The following ZNF276 variants were observed in gnomAD, a reference collection of about 807,000 sequenced individuals.
The protein encoded by ZNF276 is centromere protein Z.
ZNF276 carries 59 observed loss-of-function variants against 63.9 expected under a neutral mutation model. The observed-to-expected ratio is 0.92, with a 90% CI of 0.75 to 1.15. The LOEUF is 1.15. ZNF276 is among the 50% of genes most tolerant of loss of function. ZNF276 has a pLI of 0.00. For missense variants in ZNF276, 1,084 were observed against 843.8 expected (o/e 1.28, Z -3.53); for synonymous variants, 496 against 348.4 (o/e 1.42, Z -4.72).
At position 89,740,553 on chromosome 16, in the gene ZNF276, T is replaced by C. The variant is rs17227347; in HGVS notation, c.*2307T>C. On this transcript the variant is annotated 3_prime_UTR_variant, in exon 11 of 11. Transcript: ENST00000443381. ...CGGGAGGCTGATGCAGGAGAATTGCTTGAACCCAGGAGGCTGAGGTTGCAG... is the reference window on the plus strand; with the variant it reads ...CGGGAGGCTGATGCAGGAGAATTGCCTGAACCCAGGAGGCTGAGGTTGCAG... 15,389 of 536,566 alleles carry C rather than the reference T, an allele frequency of 0.029. 693 individuals are homozygous for C. Among genetic ancestry groups the C allele is most frequent in the African/African-American group, 0.13 (6,911 of 52,320 alleles). The allele number at this position is 536,566 out of a possible 1,614,324, so 33.2% of individuals were successfully genotyped here.
rs2061351126 is a variant in ZNF276, at chr16:89,723,022, G to C, written c.510-115G>C. ...ACTGGGAGGAGCTGGGGTGAGGGAA[G>C]AGAAAGTTGCCTATGGGGACCGCTG... On this transcript the variant is annotated intron_variant, in intron 2 of 10. Transcript: ENST00000443381. 5 of 1,601,632 alleles carry C rather than the reference G, an allele frequency of 3.1e-6. No individual in the cohort carries two copies. The East Asian group carries it at 9.0e-5, about 29-fold the overall frequency.
Position 89,740,485 on chromosome 16 carries a change from A to G in ZNF276, c.*2239A>G. 1 of 463,296 alleles carries G rather than the reference A, an allele frequency of 2.2e-6. No individual in the cohort carries two copies. Among genetic ancestry groups the G allele is most frequent in the Non-Finnish European group, 3.9e-6 (1 of 255,784 alleles). The allele number at this position is 463,296 out of a possible 1,614,324, so 28.7% of individuals were successfully genotyped here. On this transcript the variant is annotated 3_prime_UTR_variant, in exon 11 of 11. Coordinates refer to ENST00000443381, the MANE Select transcript of ZNF276 (RefSeq NM_001113525.2). ...CCCCGTCTCTACTAAAAATACAAAA[A>G]TTAGCCGGGTGTGACAGACTCACGC...
At chr16:89,728,846 A>C (rs1314401250) in intron 5 of ZNF276, among the ~76,000 whole-genome samples, 4 of 152,202 alleles carry the variant, frequency 2.6e-5, no homozygotes, top group African/African-American at 7.2e-5. Flanking sequence ...CACTTTTGTG[A>C]ACTTAGAAGT....
At chr16:89,734,170 C>G (rs1232459836) in intron 9 of ZNF276, 132 bp downstream of exon 9, 3 of 731,306 alleles carry the variant, frequency 4.1e-6, no homozygotes, top group Admixed American at 2.5e-5. Context: ...GTCTTTGGTA[C>G]TCAGTCACGT....
chr16:89,722,462 G>C (rs777121113), intron 1 of ZNF276, 69 bp from the exon 2 acceptor site: 4 of 1,505,982 alleles, frequency 2.7e-6, no homozygotes, highest in Non-Finnish European at 3.6e-6. Flanking sequence ...CTCGGACCTG[G>C]AGTCCGGGAC....
intron 5 of ZNF276, 108 bp downstream of exon 5, chr16:89,727,465 C>A: frequency 7.7e-7 from 1 of 1,298,728 alleles, no homozygotes; most frequent in Non-Finnish European, 1.1e-6. Flanking sequence ...AAAATTTCTC[C>A]TTCAAAAACC....
intron 9 of ZNF276, among the ~76,000 whole-genome samples, chr16:89,734,884 C>T (rs1368603167): frequency 2.6e-5 from 4 of 152,146 alleles, no homozygotes; most frequent in Admixed American, 6.6e-5. Context: ...CTTGGCCGGG[C>T]GTGGTGGCTC....
intron 9 of ZNF276, among the ~76,000 whole-genome samples, chr16:89,734,516 G>A (rs970096533): frequency 6.6e-6 from 1 of 152,184 alleles, no homozygotes; most frequent in Non-Finnish European, 1.5e-5. Context: ...TGGTAGAGAC[G>A]GGGTTTCACC....
chr16:89,724,977 G>A (rs562090171), intron 4 of ZNF276, among the ~76,000 whole-genome samples: 8 of 152,276 alleles, frequency 5.3e-5, no homozygotes, highest in Non-Finnish European at 1.2e-4. Context: ...ACAGAGTCTC[G>A]TTTTGTAGCC....
In ZNF276 at chr16:89,721,694, C is replaced by A; in HGVS notation, c.54C>A (p.Cys18Ter). 1 of 1,394,990 alleles carries A rather than the reference C, an allele frequency of 7.2e-7. No individual in the cohort carries two copies. The highest frequency in any genetic ancestry group is 9.3e-7 in the Non-Finnish European group (1 of 1,075,714). 86.4% of individuals were successfully genotyped at this position (1,394,990 alleles called of 1,614,324 possible). A position where few individuals can be genotyped will look rare whatever the true frequency, so the allele number is the denominator to read the frequency against. Reference sequence around the variant, plus strand: ...TGTCTCCTGGGTCGTCCCGACAGTGCGGGGCCTCGGACGGCGGCGGCGGCG... The same window carrying A: ...TGTCTCCTGGGTCGTCCCGACAGTGAGGGGCCTCGGACGGCGGCGGCGGCG... ...RFLSPGSSRQ[C>*]GASDGGGGVS... Residue 18 changes from cysteine (C) to a stop codon, truncating the protein, a stop_gained, in exon 1 of 11, where the codon TGC becomes TGA. Coordinates refer to ENST00000443381, the MANE Select transcript of ZNF276 (RefSeq NM_001113525.2). LOFTEE classifies it high-confidence loss of function.
intron 5 of ZNF276, among the ~76,000 whole-genome samples, chr16:89,727,610 G>C (rs891797275): frequency 2.6e-5 from 4 of 152,164 alleles, no homozygotes; most frequent in African/African-American, 9.7e-5. Context: ...GAGCTTCCGA[G>C]GCTTCTTGTC....
chr16:89,736,432 C>T (rs2061894555), intron 9 of ZNF276, among the ~76,000 whole-genome samples: 1 of 151,644 alleles, frequency 6.6e-6, no homozygotes, highest in African/African-American at 2.4e-5. Context: ...TCATGCAATT[C>T]TGCTGCCTCA....
Position 89,739,277 on chromosome 16 carries a change from G to A in ZNF276, c.*1031G>A, listed in dbSNP as rs201740587. 1.2e-6 allele frequency: 2 copies of A among 1,614,178 alleles called. No homozygotes were observed. Among genetic ancestry groups the A allele is most frequent in the Admixed American group, 1.7e-5 (1 of 60,032 alleles). ...CCCTGATGGCCGCGTCTTCATGGAAGTAGGAGAGAAGACTAGAGGTAAAGA... is the reference window on the plus strand; with the variant it reads ...CCCTGATGGCCGCGTCTTCATGGAAATAGGAGAGAAGACTAGAGGTAAAGA... On this transcript the variant is annotated 3_prime_UTR_variant, in exon 11 of 11. Coordinates refer to ENST00000443381, the MANE Select transcript of ZNF276 (RefSeq NM_001113525.2).
In ZNF276 at chr16:89,738,627, GGTCAGC is replaced by G. The variant is rs761743531; in HGVS notation, c.*387_*392del. On this transcript the variant is annotated 3_prime_UTR_variant, in exon 11 of 11. Transcript: ENST00000443381. ...CAGAAGAGATGAGGCTCCTGGGACA[GGTCAGC>G]GTCAGGGGCAGCCTGCTGTCTGCTC... The G allele has an allele frequency of 5.0e-6, 8 of 1,613,700 alleles. No individual in the cohort carries two copies. The highest frequency in any genetic ancestry group is 6.8e-6 in the Non-Finnish European group (8 of 1,180,040).
Position 89,723,475 on chromosome 16 carries a change from G to A in ZNF276, c.772G>A (p.Ala258Thr). Residue 258 changes from alanine (A) to threonine (T), a missense_variant, in exon 4 of 11, where the codon GCA becomes ACA. Physicochemically the swap from Ala to Thr is moderately conservative, Grantham distance 58. Coordinates refer to ENST00000443381, the MANE Select transcript of ZNF276 (RefSeq NM_001113525.2). Reference protein sequence around the residue: ...CKAFLLDSALAVKWPWDKETA... With the variant: ...CKAFLLDSALTVKWPWDKETA... The stretch of plus-strand genomic sequence containing the variant: ...GGCCTTCTTGCTGGACAGTGCGCTG[G>A]CAGTCAAGTGGCCATGGGACAAAGA... 1.2e-6 allele frequency: 2 copies of A among 1,613,028 alleles called. No homozygotes were observed. The highest frequency in any genetic ancestry group is 1.1e-5 in the South Asian group (1 of 91,088).
chr16:89,736,664 G>A (rs766246680), intron 9 of ZNF276, among the ~76,000 whole-genome samples: 20 of 151,750 alleles, frequency 1.3e-4, no homozygotes, highest in Non-Finnish European at 2.5e-4. Flanking sequence ...GTGTGGTGGT[G>A]CACACCTGTG....
chr16:89,731,805 A>T (rs1372974107), intron 6 of ZNF276: 1 of 152,182 alleles, frequency 6.6e-6, no homozygotes, highest in Non-Finnish European at 1.5e-5. Flanking sequence ...TTGTGTATGG[A>T]TTTTGTGCCC....
At chr16:89,734,087 T>A in intron 9 of ZNF276, 49 bp downstream of exon 9, 3 of 1,568,200 alleles carry the variant, frequency 1.9e-6, no homozygotes, top group Non-Finnish European at 2.6e-6. Flanking sequence ...CAGGGGCACG[T>A]GACCTGCTTT....
intron 9 of ZNF276, 87 bp from the exon 10 acceptor site, chr16:89,737,719 A>G: frequency 1.3e-6 from 2 of 1,598,250 alleles, no homozygotes; most frequent in Admixed American, 1.7e-5. Context: ...ATGTCTTCCC[A>G]GCTGTGATGG....
Sources: gnomAD v4.1 joint callset for allele counts (sites outside exome capture counted in the v4.1 genomes callset) on GRCh38, gnomAD v4.1.1 for gene constraint, MANE v1.5 for transcripts, NCBI Gene and HGNC (gene_info 2026-07-23, HGNC 2026-07-21) for gene names.